ARHGAP32: variants seen among roughly 807,000 people sequenced by gnomAD.
ARHGAP32 encodes the protein Rho GTPase activating protein 32.
In ARHGAP32, 51 loss-of-function variants were observed where a neutral mutation model predicts 186.5. That is an observed-to-expected ratio of 0.27 (90% CI 0.22 to 0.35). ARHGAP32 has a LOEUF of 0.35. Ranked by LOEUF, ARHGAP32 falls within the 10% of genes least tolerant of loss-of-function variation. The pLI is 1.00. For synonymous variants in ARHGAP32, 950 were observed against 964.3 expected (o/e 0.99, Z 0.27); for missense variants, 2,186 against 2,623.5 (o/e 0.83, Z 3.64).
chr11:129,199,788 C>T (rs1944437379), intron 1 of ARHGAP32, among the ~76,000 whole-genome samples: 1 of 152,226 alleles, frequency 6.6e-6, no homozygotes, highest in African/African-American at 2.4e-5. Context: ...GTCCTCCAGA[C>T]CCCAGAATGG....
intron 6 of ARHGAP32, among the ~76,000 whole-genome samples, chr11:129,086,635 C>A (rs895951719): frequency 2.3e-4 from 35 of 152,158 alleles, no homozygotes; most frequent in East Asian, 1.4e-3. Context: ...TCCCGGCTAG[C>A]ACGGTGAAAC....
chr11:129,137,569 G>A (rs1323606587), intron 2 of ARHGAP32, among the ~76,000 whole-genome samples: 1 of 151,900 alleles, frequency 6.6e-6, no homozygotes, highest in African/African-American at 2.4e-5. Flanking sequence ...CAAACTGTTT[G>A]GGAATAGTGA....
rs558827527 is a variant in ARHGAP32 at position 129,215,084 on chromosome 11, TCTC to T, written c.-4-50660_-4-50658del. 1.2e-4 allele frequency among the ~76,000 whole-genome samples: 19 copies of T among 152,276 alleles called. 1 individual carries two copies. In the South Asian group the frequency reaches 3.7e-3, roughly 30 times the overall value. On this transcript the variant is annotated intron_variant, in intron 1 of 6. Coordinates refer to the ARHGAP32 transcript ENST00000525234. ...CTCTACTCAGGTGTTAACAACTTTC[TCTC>T]CTCTTTCTGAGCAGCCTCCTTCCAT...
rs1264508246 is a variant in ARHGAP32 at position 129,179,387 on chromosome 11, C to G, written c.116+12696G>C. Among the ~76,000 whole-genome samples the G allele has an allele frequency of 2.1e-4, 32 of 151,308 alleles. No homozygotes were observed. The South Asian group carries it at 4.4e-3, about 21-fold the overall frequency. ...CAACCATTGTGGAAGTCAGTGTGGC[C>G]ATTCCTCAGGGATCTAGAACTAGAA... On this transcript the variant is annotated intron_variant, in intron 1 of 22. Transcript: ENST00000682385.
intron 1 of ARHGAP32, among the ~76,000 whole-genome samples, chr11:129,224,549 C>T (rs1453273623): frequency 6.6e-6 from 1 of 151,962 alleles, no homozygotes; most frequent in African/African-American, 2.4e-5. Context: ...TTTCAACTTA[C>T]CCTATTCCTT....
At position 128,981,562 on chromosome 11, in the gene ARHGAP32, C is replaced by T; in HGVS notation, c.1635-1G>A. 1 of 1,607,856 alleles carries T rather than the reference C, an allele frequency of 6.2e-7. No homozygotes were observed. Among genetic ancestry groups the T allele is most frequent in the Non-Finnish European group, 8.5e-7 (1 of 1,176,038 alleles). ...GCAGGCAGATTCTATCTGTTTTGATCTGTGAGGTAAACATTTTCATCACAG... is the reference window on the plus strand; with the variant it reads ...GCAGGCAGATTCTATCTGTTTTGATTTGTGAGGTAAACATTTTCATCACAG... On this transcript the variant is annotated splice_acceptor_variant, in intron 16 of 22. Transcript: ENST00000682385. LOFTEE classifies it high-confidence loss of function.
chr11:129,262,409 A>G (rs1480412273), intron 1 of ARHGAP32, among the ~76,000 whole-genome samples: 1 of 150,228 alleles, frequency 6.7e-6, no homozygotes, highest in Non-Finnish European at 1.5e-5. Flanking sequence ...TTTGAGATGG[A>G]GCCCTTGTCT....
chr11:129,123,287 A>G lies in ARHGAP32; in HGVS notation c.444+159T>C, dbSNP rs1942577233. The stretch of plus-strand genomic sequence containing the variant: ...AACGTGACATCAAGTATTTGTCAAT[A>G]GAAGAGAAGAAAGATTTTACCTCAA... On this transcript the variant is annotated intron_variant, in intron 5 of 22. Coordinates refer to ENST00000682385, the MANE Select transcript of ARHGAP32 (RefSeq NM_001378024.1). This position sits in a 1 kb window ranked among gnomAD's most constrained non-coding sequence, Gnocchi z 4.6. Among the ~76,000 whole-genome samples the G allele has an allele frequency of 6.6e-6, 1 of 151,968 alleles. No individual in the cohort carries two copies. Among genetic ancestry groups the G allele is most frequent in the Non-Finnish European group, 1.5e-5 (1 of 67,986 alleles).
At chr11:129,034,086 A>T (rs1939224141) in intron 11 of ARHGAP32, among the ~76,000 whole-genome samples, 1 of 152,176 alleles carries the variant, frequency 6.6e-6, no homozygotes, top group Admixed American at 6.5e-5. Context: ...TTTTAGAATC[A>T]GTCATCAATT....
intron 15 of ARHGAP32, among the ~76,000 whole-genome samples, chr11:128,983,774 A>C (rs1945783577): frequency 6.6e-6 from 1 of 152,106 alleles, no homozygotes; most frequent in African/African-American, 2.4e-5. Context: ...AATGTATTTT[A>C]TGAGAATTGC....
Position 129,113,376 on chromosome 11 carries a change from A to G in ARHGAP32, c.444+10070T>C, listed in dbSNP as rs966949657. ...TTAAACTGTATGCAGTTATAATTTA[A>G]TACTGCACCTTTATGTTTGTTTACA... is the stretch of plus-strand genomic sequence containing the variant. On this transcript the variant is annotated intron_variant, in intron 5 of 22. Transcript: ENST00000682385. Among the ~76,000 whole-genome samples the G allele has an allele frequency of 4.6e-5, 7 of 152,210 alleles. No homozygotes were observed. The South Asian group carries it at 1.4e-3, about 31-fold the overall frequency.
At chr11:129,053,036 C>T (rs991318513) in intron 10 of ARHGAP32, among the ~76,000 whole-genome samples, 1 of 151,666 alleles carries the variant, frequency 6.6e-6, no homozygotes, top group African/African-American at 2.4e-5. Context: ...ATGTAACAAA[C>T]CTGCACATTG....
intron 1 of ARHGAP32, among the ~76,000 whole-genome samples, chr11:129,197,959 C>T (rs145794992): frequency 6.6e-6 from 1 of 152,198 alleles, no homozygotes; most frequent in African/African-American, 2.4e-5. Flanking sequence ...CTTATGCATA[C>T]TATGGCAACT....
intron 1 of ARHGAP32, among the ~76,000 whole-genome samples, chr11:129,220,006 G>C (rs936225495): frequency 6.6e-6 from 1 of 152,094 alleles, no homozygotes; most frequent in East Asian, 1.9e-4. Flanking sequence ...AAAGCTCAAG[G>C]ACAAAAAGTG....
chr11:129,270,027 A>T (rs1392502585), intron 1 of ARHGAP32, among the ~76,000 whole-genome samples: 3 of 151,922 alleles, frequency 2.0e-5, no homozygotes, highest in African/African-American at 4.8e-5. Flanking sequence ...TTTACACAAG[A>T]TGAAAACTTA....
chr11:129,183,003 T>C (rs368316986), intron 1 of ARHGAP32, among the ~76,000 whole-genome samples: 31 of 152,120 alleles, frequency 2.0e-4, no homozygotes, highest in African/African-American at 7.5e-4. Context: ...TCATTTGTAA[T>C]TCATCCTTGG....
intron 1 of ARHGAP32, among the ~76,000 whole-genome samples, chr11:129,255,571 T>A (rs759338298): frequency 2.0e-5 from 3 of 151,732 alleles, no homozygotes; most frequent in Non-Finnish European, 4.4e-5. Flanking sequence ...AAAAGACACT[T>A]AAAGAAACAA....
intron 10 of ARHGAP32, among the ~76,000 whole-genome samples, chr11:129,057,558 A>C (rs1173707575): frequency 2.6e-5 from 4 of 152,128 alleles, no homozygotes. Flanking sequence ...GTCATTTCTC[A>C]ACATAGCTGG....
intron 1 of ARHGAP32, among the ~76,000 whole-genome samples, chr11:129,206,168 T>C (rs1240515473): frequency 6.6e-6 from 1 of 152,150 alleles, no homozygotes; most frequent in African/African-American, 2.4e-5. Context: ...TTACCACAAA[T>C]ATCCACTCAA....
Sources: allele counts gnomAD v4.1 joint callset (sites outside exome capture counted in the v4.1 genomes callset), GRCh38; gene constraint gnomAD v4.1.1; non-coding constraint Gnocchi (gnomAD v3.1); transcripts MANE v1.5; gene names NCBI Gene and HGNC (gene_info 2026-07-23, HGNC 2026-07-21).